The following KCNQ1 variants were observed in gnomAD, a reference collection of about 807,000 sequenced individuals.
The protein encoded by KCNQ1 is potassium voltage-gated channel subfamily Q member 1.
A neutral mutation model predicts 72.4 loss-of-function variants in KCNQ1; 49 were observed. The observed-to-expected ratio is 0.68, with a 90% CI of 0.54 to 0.86. KCNQ1 has a LOEUF of 0.86. KCNQ1 is among the 40% of genes least tolerant of loss of function. The pLI is 0.00. For synonymous variants in KCNQ1, 450 were observed against 412.6 expected (o/e 1.09, Z -1.10); for missense variants, 790 against 945.1 (o/e 0.84, Z 2.15).
chr11:2,672,274 G>T, intron 11 of KCNQ1: 1 of 398,598 alleles, frequency 2.5e-6, no homozygotes, highest in Non-Finnish European at 4.4e-6. Context: ...ACTGCCCCAC[G>T]AACCCCACCA....
rs571612236 is a variant in KCNQ1 at position 2,826,484 on chromosome 11, G to A, written c.1795-21283G>A. 1.6e-4 allele frequency among the ~76,000 whole-genome samples: 25 copies of A among 152,224 alleles called. No homozygotes were observed. The highest frequency in any genetic ancestry group is 3.4e-4 in the Non-Finnish European group (23 of 68,040). On this transcript the variant is annotated intron_variant, in intron 15 of 15. Coordinates refer to ENST00000155840, the MANE Select transcript of KCNQ1 (RefSeq NM_000218.3). The surrounding 1 kb of genome is among the most constrained non-coding windows in gnomAD (Gnocchi z 4.2). ...CAGTCACGGAAACTCAGGCAGACCC[G>A]GCGTTGGGTGCGCCAGGCCGGTGTG...
chr11:2,796,076 T>G (rs565644881), intron 15 of KCNQ1, among the ~76,000 whole-genome samples: 28 of 152,320 alleles, frequency 1.8e-4, no homozygotes, highest in African/African-American at 6.3e-4. Context: ...GTTAAGTACT[T>G]CTACTGCAGC....
intron 11 of KCNQ1, among the ~76,000 whole-genome samples, chr11:2,739,654 T>C (rs1227341602): frequency 2.0e-5 from 3 of 152,236 alleles, no homozygotes; most frequent in Non-Finnish European, 4.4e-5. Flanking sequence ...AGCCCAGCCA[T>C]GGCTCCTATC....
intron 4 of KCNQ1, 99 bp from the exon 5 acceptor site, chr11:2,571,914 G>A (rs1848340310): frequency 1.0e-6 from 1 of 959,024 alleles, no homozygotes; most frequent in Non-Finnish European, 1.6e-6. Context: ...CCTGGGAGGG[G>A]CAGGGGCAGG....
rs1160182193 is a variant in KCNQ1 at position 2,766,058 on chromosome 11, A to T, written c.1515-2786A>T. Among the ~76,000 whole-genome samples, 15 of 151,802 alleles carry T rather than the reference A, an allele frequency of 9.9e-5. No individual in the cohort carries two copies. Among genetic ancestry groups the T allele is most frequent in the Admixed American group, 9.8e-4 (15 of 15,248 alleles). ...CTCTGTCGTCCCTGCTATCCAACTCACCTATTGCATTCTTCATTTCCATTA... is the reference window on the plus strand; with the variant it reads ...CTCTGTCGTCCCTGCTATCCAACTCTCCTATTGCATTCTTCATTTCCATTA... On this transcript the variant is annotated intron_variant, in intron 11 of 15. Transcript: ENST00000155840. The surrounding 1 kb of genome is among the most constrained non-coding windows in gnomAD (Gnocchi z 4.4).
intron 2 of KCNQ1, among the ~76,000 whole-genome samples, chr11:2,558,425 C>T (rs113892768): frequency 5.3e-5 from 8 of 152,176 alleles, no homozygotes; most frequent in East Asian, 3.9e-4. Context: ...GGTCTCCAGG[C>T]GGGGGGGTCC....
intron 10 of KCNQ1, chr11:2,656,631 A>G (rs559018972): frequency 2.5e-6 from 1 of 398,306 alleles, no homozygotes; most frequent in East Asian, 3.6e-5. Context: ...AGTCATTTAT[A>G]TTTTTCCTAT....
intron 10 of KCNQ1, chr11:2,633,810 C>A: frequency 2.5e-6 from 1 of 398,548 alleles, no homozygotes; most frequent in Non-Finnish European, 4.4e-6. Flanking sequence ...CCTGTATATA[C>A]CAAAAGCCAT....
At chr11:2,505,741 C>G (rs1316043506) in intron 1 of KCNQ1, among the ~76,000 whole-genome samples, 1 of 152,170 alleles carries the variant, frequency 6.6e-6, no homozygotes, top group Admixed American at 6.5e-5. Context: ...TCTCTTGTGA[C>G]CTTTCTAGGT....
At chr11:2,584,637 G>A (rs1848564891) in intron 7 of KCNQ1, among the ~76,000 whole-genome samples, 1 of 151,858 alleles carries the variant, frequency 6.6e-6, no homozygotes, top group Admixed American at 6.6e-5. Context: ...GTGTTTGTGT[G>A]TTAGTGTGTT....
chr11:2,568,729 A>C (rs1426743373), intron 2 of KCNQ1, among the ~76,000 whole-genome samples: 2 of 152,060 alleles, frequency 1.3e-5, no homozygotes, highest in Non-Finnish European at 2.9e-5. Flanking sequence ...GGTGGATAAG[A>C]CCAAGGTAGC....
chr11:2,659,150 T>C lies in KCNQ1; in HGVS notation c.1394-2811T>C. ...ATACAGTAAAATCCACTCTTTGAGA[T>C]TCAGTTCTGTGGGTTTTGACAGATG... On this transcript the variant is annotated intron_variant, in intron 10 of 15. Transcript: ENST00000155840. The surrounding 1 kb of genome is among the most constrained non-coding windows in gnomAD (Gnocchi z 4.3). 1 of 398,640 alleles carries C rather than the reference T, an allele frequency of 2.5e-6. No individual in the cohort carries two copies. The highest frequency in any genetic ancestry group is 4.4e-5 in the Admixed American group (1 of 22,736). The allele number at this position is 398,640 out of a possible 1,614,324, so 24.7% of individuals were successfully genotyped here. A position where few individuals can be genotyped will look rare whatever the true frequency, so the allele number is the denominator to read the frequency against.
chr11:2,580,111 G>T (rs775964160), intron 6 of KCNQ1, among the ~76,000 whole-genome samples: 30 of 152,164 alleles, frequency 2.0e-4, no homozygotes, highest in Admixed American at 3.9e-4. Flanking sequence ...CGTGCCATTT[G>T]TCTTGATGCC....
rs183868074 is a variant in KCNQ1 at position 2,752,956 on chromosome 11, T to G, written c.1515-15888T>G. ...AGGTCTGCCCTGGCTGGTCTGGGCT[T>G]GAGGACCAGCACGGGATCGTTCTCC... On this transcript the variant is annotated intron_variant, in intron 11 of 15. Coordinates refer to ENST00000155840, the MANE Select transcript of KCNQ1 (RefSeq NM_000218.3). This position sits in a 1 kb window ranked among gnomAD's most constrained non-coding sequence, Gnocchi z 5.2. 6.6e-6 allele frequency among the ~76,000 whole-genome samples: 1 copy of G among 152,236 alleles called. No individual in the cohort carries two copies. Among genetic ancestry groups the G allele is most frequent in the Admixed American group, 6.5e-5 (1 of 15,298 alleles).
intron 2 of KCNQ1, among the ~76,000 whole-genome samples, chr11:2,556,552 G>A (rs1848073103): frequency 6.6e-6 from 1 of 152,210 alleles, no homozygotes; most frequent in Non-Finnish European, 1.5e-5. Context: ...TGGAGTTGTT[G>A]CAACAGAAAT....
At chr11:2,846,747 G>C (rs372628675) in intron 15 of KCNQ1, among the ~76,000 whole-genome samples, 2 of 152,376 alleles carry the variant, frequency 1.3e-5, no homozygotes, top group East Asian at 3.9e-4. Context: ...ATTCCCCAGC[G>C]GTGCTGTCCT....
intron 11 of KCNQ1, chr11:2,689,146 G>C: frequency 2.5e-6 from 1 of 398,758 alleles, no homozygotes; most frequent in African/African-American, 2.1e-5. Context: ...CCTAAGGAGA[G>C]CTACAGGTGG....
rs752322801 is a variant in KCNQ1, at chr11:2,601,251, A to G, written c.1393+12397A>G. On this transcript the variant is annotated intron_variant, in intron 10 of 15. Transcript: ENST00000155840. The surrounding 1 kb of genome is among the most constrained non-coding windows in gnomAD (Gnocchi z 5.2). The stretch of plus-strand genomic sequence containing the variant: ...GAATGGTTACCTCATTGTGGTTTTG[A>G]TTTGCATTTTCCTAATGATGCTGAG... Among the ~76,000 whole-genome samples, 78 of 152,178 alleles carry G rather than the reference A, an allele frequency of 5.1e-4. No homozygotes were observed. The highest frequency in any genetic ancestry group is 8.8e-4 in the Non-Finnish European group (60 of 67,986).
At chr11:2,638,554 T>C (rs1452720121) in intron 10 of KCNQ1, 1 of 152,248 alleles carries the variant, frequency 6.6e-6, no homozygotes, top group Non-Finnish European at 1.5e-5. Flanking sequence ...GCCGTTAGTC[T>C]GATGGGTTTC....
Sources: gnomAD v4.1 joint callset for allele counts (sites outside exome capture counted in the v4.1 genomes callset) on GRCh38, gnomAD v4.1.1 for gene constraint, Gnocchi (gnomAD v3.1) non-coding constraint, MANE v1.5 for transcripts, NCBI Gene and HGNC (gene_info 2026-07-23, HGNC 2026-07-21) for gene names.